TTC29: variants seen among roughly 807,000 people sequenced by gnomAD.
TTC29 encodes tetratricopeptide repeat protein 29.
A neutral mutation model predicts 58.1 loss-of-function variants in TTC29; 49 were observed. The ratio of observed to expected loss-of-function variants is 0.84; its 90% CI spans 0.67 to 1.07. The LOEUF is 1.07. Among genes scored for constraint, TTC29 ranks in the 50% least tolerant of loss-of-function variants. TTC29 has a pLI of 0.00. For synonymous variants in TTC29, 209 were observed against 196.8 expected (o/e 1.06, Z -0.52); for missense variants, 582 against 555.6 (o/e 1.05, Z -0.48).
chr4:146,864,629 A>G (rs1306712971), intron 8 of TTC29, among the ~76,000 whole-genome samples: 1 of 152,192 alleles, frequency 6.6e-6, no homozygotes, highest in Non-Finnish European at 1.5e-5. Context: ...TGATCTTTTT[A>G]AAGGCTGTAG....
intron 11 of TTC29, among the ~76,000 whole-genome samples, chr4:146,752,220 C>A (rs959901189): frequency 6.6e-6 from 1 of 151,538 alleles, no homozygotes; most frequent in Non-Finnish European, 1.5e-5. Flanking sequence ...TCAGCAAAGT[C>A]TCAGGATACA....
intron 6 of TTC29, among the ~76,000 whole-genome samples, chr4:146,895,528 T>G (rs1485664123): frequency 6.6e-6 from 1 of 152,124 alleles, no homozygotes; most frequent in Non-Finnish European, 1.5e-5. Flanking sequence ...TCATCTTCTC[T>G]GGACTCAGTT....
intron 11 of TTC29, among the ~76,000 whole-genome samples, chr4:146,757,721 AT>A (rs1746558476): frequency 6.6e-6 from 1 of 152,146 alleles, no homozygotes; most frequent in Non-Finnish European, 1.5e-5. Context: ...GAAACTAAGC[AT>A]CATATATGAA....
chr4:146,935,209 C>T (rs1735691585), intron 4 of TTC29, among the ~76,000 whole-genome samples: 2 of 151,922 alleles, frequency 1.3e-5, no homozygotes, highest in African/African-American at 2.4e-5. Flanking sequence ...CTCCACCCAT[C>T]GCATTGGGAG....
At chr4:146,841,647 T>C (rs906087783) in intron 8 of TTC29, among the ~76,000 whole-genome samples, 2 of 152,006 alleles carry the variant, frequency 1.3e-5, no homozygotes, top group South Asian at 4.1e-4. Flanking sequence ...TCTTCCTGAG[T>C]TAACTCAATA....
intron 5 of TTC29, among the ~76,000 whole-genome samples, chr4:146,907,345 T>G (rs1441898675): frequency 6.6e-6 from 1 of 152,128 alleles, no homozygotes; most frequent in Non-Finnish European, 1.5e-5. Context: ...ATTTACACTA[T>G]CTCCAATGAA....
chr4:146,815,966 G>A (rs1751371901), intron 10 of TTC29, among the ~76,000 whole-genome samples: 1 of 151,964 alleles, frequency 6.6e-6, no homozygotes, highest in Non-Finnish European at 1.5e-5. Flanking sequence ...TTTTCTGAGG[G>A]GCAATATTTT....
intron 9 of TTC29, 29 bp from the exon 10 acceptor site, chr4:146,820,277 G>C (rs1751727763): frequency 6.2e-7 from 1 of 1,601,146 alleles, no homozygotes; most frequent in Non-Finnish European, 8.5e-7. Flanking sequence ...GAAGTCAATG[G>C]AGTATCATCT....
intron 4 of TTC29, among the ~76,000 whole-genome samples, chr4:146,924,454 G>A (rs922438703): frequency 9.9e-5 from 15 of 151,702 alleles, no homozygotes; most frequent in Non-Finnish European, 1.8e-4. Flanking sequence ...AATCTCTTCT[G>A]TTATCTGTTT....
intron 11 of TTC29, among the ~76,000 whole-genome samples, chr4:146,707,766 C>A (rs1260467610): frequency 6.6e-6 from 1 of 152,072 alleles, no homozygotes; most frequent in African/African-American, 2.4e-5. Flanking sequence ...TTGTCAATCC[C>A]CCATGAAGAA....
intron 11 of TTC29, among the ~76,000 whole-genome samples, chr4:146,730,918 A>G (rs901548199): frequency 3.3e-5 from 5 of 152,178 alleles, no homozygotes; most frequent in African/African-American, 4.8e-5. Context: ...GAGGAGAGAA[A>G]TAGAATAGTA....
At chr4:146,760,682 G>A (rs1746815298) in intron 11 of TTC29, among the ~76,000 whole-genome samples, 2 of 151,118 alleles carry the variant, frequency 1.3e-5, no homozygotes, top group Middle Eastern at 3.2e-3. Flanking sequence ...AACATAAAGT[G>A]GGGAAAGGAC....
intron 8 of TTC29, among the ~76,000 whole-genome samples, chr4:146,863,379 T>G (rs1730367476): frequency 6.6e-6 from 1 of 152,198 alleles, no homozygotes; most frequent in Admixed American, 6.5e-5. Flanking sequence ...CTAGGCCTTT[T>G]TCTTTCAACA....
At chr4:146,842,095 G>A (rs184689511) in intron 8 of TTC29, among the ~76,000 whole-genome samples, 18 of 152,080 alleles carry the variant, frequency 1.2e-4, no homozygotes, top group Admixed American at 3.9e-4. Flanking sequence ...AGTGAGTCAA[G>A]GCCAAGGATG....
intron 11 of TTC29, among the ~76,000 whole-genome samples, chr4:146,726,692 C>T (rs1284222052): frequency 6.6e-6 from 1 of 152,078 alleles, no homozygotes; most frequent in Admixed American, 6.6e-5. Context: ...CTTTATGAAG[C>T]CACCTTTTCT....
At chr4:146,940,810 C>T (rs1476929880) in intron 2 of TTC29, among the ~76,000 whole-genome samples, 1 of 152,190 alleles carries the variant, frequency 6.6e-6, no homozygotes, top group Non-Finnish European at 1.5e-5. Flanking sequence ...AGAGAAAAGC[C>T]AGGCAGAAGC....
chr4:146,782,454 C>T (rs1341710513), intron 11 of TTC29, among the ~76,000 whole-genome samples: 3 of 151,782 alleles, frequency 2.0e-5, no homozygotes, highest in Non-Finnish European at 4.4e-5. Context: ...TAATTACATT[C>T]CTGTAAAGTT....
intron 11 of TTC29, among the ~76,000 whole-genome samples, chr4:146,708,335 T>C (rs888411917): frequency 1.8e-4 from 14 of 76,106 alleles, no homozygotes; most frequent in South Asian, 5.0e-4. Context: ...TATATATATA[T>C]ATATATATAT....
chr4:146,941,904 G>T (rs186034088), intron 2 of TTC29, among the ~76,000 whole-genome samples: 41 of 152,312 alleles, frequency 2.7e-4, no homozygotes, highest in Non-Finnish European at 4.6e-4. Flanking sequence ...TAGGAGTAGA[G>T]AAGGAGAGAT....
Sources: gnomAD v4.1 joint callset for allele counts (sites outside exome capture counted in the v4.1 genomes callset) on GRCh38, gnomAD v4.1.1 for gene constraint, MANE v1.5 for transcripts, NCBI Gene and HGNC (gene_info 2026-07-23, HGNC 2026-07-21) for gene names.